Variants in CAMKMT observed in about 807,000 individuals in gnomAD.
The protein encoded by CAMKMT is calmodulin-lysine N-methyltransferase.
CAMKMT carries 53 observed loss-of-function variants against 48.0 expected under a neutral mutation model. That is an observed-to-expected ratio of 1.10 (90% confidence interval 0.89 to 1.39). CAMKMT has a LOEUF of 1.39. CAMKMT is among the 40% of genes most tolerant of loss of function. CAMKMT has a pLI of 0.00. For synonymous variants in CAMKMT, 165 were observed against 152.3 expected (o/e 1.08, Z -0.61); for missense variants, 428 against 402.7 (o/e 1.06, Z -0.54).
At chr2:44,534,403 C>G (rs1347311416) in intron 3 of CAMKMT, among the ~76,000 whole-genome samples, 1 of 152,102 alleles carries the variant, frequency 6.6e-6, no homozygotes, top group Non-Finnish European at 1.5e-5. Context: ...GACATTTATA[C>G]AACATTTTAC....
At chr2:44,555,871 G>A (rs929180099) in intron 3 of CAMKMT, among the ~76,000 whole-genome samples, 9 of 152,118 alleles carry the variant, frequency 5.9e-5, no homozygotes, top group African/African-American at 1.9e-4. Flanking sequence ...ACAGAAAAGT[G>A]TCCATTGAAT....
chr2:44,532,114 A>G (rs1666516394), intron 3 of CAMKMT, among the ~76,000 whole-genome samples: 1 of 152,154 alleles, frequency 6.6e-6, no homozygotes, highest in African/African-American at 2.4e-5. Flanking sequence ...ACTTGCTGGT[A>G]TAGTGTCATT....
chr2:44,629,087 G>A (rs1329980935), intron 3 of CAMKMT, among the ~76,000 whole-genome samples: 2 of 152,064 alleles, frequency 1.3e-5, no homozygotes, highest in Admixed American at 6.6e-5. Context: ...ATGTCTACTT[G>A]CTCTGCCAAT....
chr2:44,691,401 G>A (rs977154213), intron 3 of CAMKMT, among the ~76,000 whole-genome samples: 1 of 152,172 alleles, frequency 6.6e-6, no homozygotes, highest in African/African-American at 2.4e-5. Flanking sequence ...GACATGGCTG[G>A]GACCTTGTCC....
At chr2:44,408,818 T>G (rs1167075322) in intron 3 of CAMKMT, among the ~76,000 whole-genome samples, 1 of 151,940 alleles carries the variant, frequency 6.6e-6, no homozygotes, top group Non-Finnish European at 1.5e-5. Context: ...CATGGCTCAC[T>G]GCAGCCTCAA....
At chr2:44,533,333 G>T (rs1666591359) in intron 3 of CAMKMT, among the ~76,000 whole-genome samples, 1 of 150,672 alleles carries the variant, frequency 6.6e-6, no homozygotes, top group Non-Finnish European at 1.5e-5. Flanking sequence ...CTGCCTCCTT[G>T]GTTCAAGCAA....
rs892494419 is a variant in CAMKMT, at chr2:44,750,146, C to CT, written c.699-3898dup. On this transcript the variant is annotated intron_variant, in intron 8 of 10. Transcript: ENST00000378494. Reference sequence around the variant, plus strand: ...TTCAAAAGTAGTTTTGCTGTCACTGCTTTTTTTTTTTCTCTCTCTCTCAAG... The same window carrying CT: ...TTCAAAAGTAGTTTTGCTGTCACTGCTTTTTTTTTTTTCTCTCTCTCTCAAG... Among the ~76,000 whole-genome samples, 78 of 147,276 alleles carry CT rather than the reference C, an allele frequency of 5.3e-4. 1 individual carries two copies. The highest frequency in any genetic ancestry group is 1.3e-3 in the African/African-American group (54 of 40,456).
intron 7 of CAMKMT, among the ~76,000 whole-genome samples, chr2:44,737,513 T>C (rs1679419643): frequency 6.6e-6 from 1 of 152,220 alleles, no homozygotes; most frequent in Non-Finnish European, 1.5e-5. Flanking sequence ...TTCCCTACTA[T>C]TGAGACAAGA....
chr2:44,377,432 CT>C (rs1023740726), intron 2 of CAMKMT, among the ~76,000 whole-genome samples: 1 of 152,120 alleles, frequency 6.6e-6, no homozygotes, highest in African/African-American at 2.4e-5. Flanking sequence ...TTCCTTTTCC[CT>C]ATCTCATAAA....
At chr2:44,771,119 T>C (rs938275939) in intron 10 of CAMKMT, among the ~76,000 whole-genome samples, 1 of 152,100 alleles carries the variant, frequency 6.6e-6, no homozygotes, top group African/African-American at 2.4e-5. Context: ...TGGGAGAGTG[T>C]GATGTTGAGG....
chr2:44,546,469 TAA>T (rs1667417133), intron 3 of CAMKMT, among the ~76,000 whole-genome samples: 1 of 152,234 alleles, frequency 6.6e-6, no homozygotes. Flanking sequence ...ATCTCATCCC[TAA>T]AGAGTCCAGC....
intron 3 of CAMKMT, among the ~76,000 whole-genome samples, chr2:44,541,688 T>C (rs1667114329): frequency 6.7e-6 from 1 of 149,706 alleles, no homozygotes; most frequent in East Asian, 2.0e-4. Flanking sequence ...AGAGGATCAC[T>C]GGGTCCCAGG....
At position 44,458,466 on chromosome 2, in the gene CAMKMT, T is replaced by C. The variant is rs72877293; in HGVS notation, c.376+68161T>C. Among the ~76,000 whole-genome samples, 263 of 152,318 alleles carry C rather than the reference T, an allele frequency of 1.7e-3. 1 individual carries two copies. The highest frequency in any genetic ancestry group is 4.8e-3 in the African/African-American group (201 of 41,574). On this transcript the variant is annotated intron_variant, in intron 3 of 10. Transcript: ENST00000378494. ...AATGAGATCATGTAAGTGAATACTG[T>C]CTGGACAAAAAGTAGGTGCTCAATA...
chr2:44,405,368 A>G (rs914562206), intron 3 of CAMKMT, among the ~76,000 whole-genome samples: 1 of 152,108 alleles, frequency 6.6e-6, no homozygotes, highest in African/African-American at 2.4e-5. Flanking sequence ...AGCAATCAAA[A>G]AGAATGGATT....
At position 44,772,012 on chromosome 2, in the gene CAMKMT, TTTTC is replaced by T. The variant is rs758526414; in HGVS notation, c.895-18_895-15del. ...ATCCCTAATTGGAGTCCCCTTACCT[TTTTC>T]TTTCTATTATTGTTTTCAGTTGAAA... is the stretch of plus-strand genomic sequence containing the variant. On this transcript the variant is annotated intron_variant, in intron 10 of 10. Coordinates refer to ENST00000378494, the MANE Select transcript of CAMKMT (RefSeq NM_024766.5). 1 of 1,568,290 alleles carries T rather than the reference TTTTC, an allele frequency of 6.4e-7. No homozygotes were observed. The highest frequency in any genetic ancestry group is 1.1e-5 in the South Asian group (1 of 89,182).
intron 3 of CAMKMT, among the ~76,000 whole-genome samples, chr2:44,542,015 G>A (rs1222693531): frequency 3.3e-5 from 5 of 151,888 alleles, no homozygotes; most frequent in Admixed American, 6.6e-5. Flanking sequence ...GTAAATCCCA[G>A]CTACTTGGGA....
At chr2:44,518,710 C>T (rs1287919375) in intron 3 of CAMKMT, among the ~76,000 whole-genome samples, 1 of 152,100 alleles carries the variant, frequency 6.6e-6, no homozygotes, top group South Asian at 2.1e-4. Flanking sequence ...CTGTATTCGC[C>T]AGAGTGCAAG....
intron 3 of CAMKMT, among the ~76,000 whole-genome samples, chr2:44,468,335 G>A (rs1219845556): frequency 3.3e-5 from 5 of 152,074 alleles, no homozygotes; most frequent in Non-Finnish European, 5.9e-5. Context: ...GGCTGTCAAC[G>A]AAAAGACAAA....
intron 3 of CAMKMT, among the ~76,000 whole-genome samples, chr2:44,518,031 G>T (rs181928664): frequency 5.8e-4 from 88 of 152,264 alleles, no homozygotes; most frequent in African/African-American, 2.1e-3. Context: ...TCTGGTGCCA[G>T]CCAGTGTTTT....
Sources: allele counts gnomAD v4.1 joint callset (sites outside exome capture counted in the v4.1 genomes callset), GRCh38; gene constraint gnomAD v4.1.1; transcripts MANE v1.5; gene names NCBI Gene and HGNC (gene_info 2026-07-23, HGNC 2026-07-21).